Variants in EYS observed in about 807,000 individuals in gnomAD.
EYS encodes protein eyes shut homolog.
EYS carries 250 observed loss-of-function variants against 282.1 expected under a neutral mutation model. The observed-to-expected ratio is 0.89, with a 90% CI of 0.80 to 0.98. The LOEUF is 0.98. Among genes scored for constraint, EYS ranks in the 50% least tolerant of loss-of-function variants. EYS has a pLI of 0.00. For missense variants in EYS, 4,016 were observed against 3,709.0 expected (o/e 1.08, Z -2.15); for synonymous variants, 1,355 against 1,282.9 (o/e 1.06, Z -1.20).
chr6:65,572,331 C>T (rs6650991), intron 2 of EYS, among the ~76,000 whole-genome samples: 113,169 of 151,954 alleles, frequency 0.74, 42,847 homozygotes, highest in African/African-American at 0.88. Context: ...TTTTAAAATA[C>T]ATGTCTTGGT....
chr6:64,751,555 A>G lies in EYS; in HGVS notation c.3443+61823T>C, dbSNP rs547594321. On this transcript the variant is annotated intron_variant, in intron 22 of 42. Transcript: ENST00000503581. ...TTTGTCCCCCACTCTGGGGCTGAGC[A>G]CAGAGACAAGGCCACAGGGCATAGC... 6.6e-5 allele frequency among the ~76,000 whole-genome samples: 10 copies of G among 152,350 alleles called. No individual in the cohort carries two copies. The South Asian group carries it at 2.1e-3, about 32-fold the overall frequency.
intron 33 of EYS, among the ~76,000 whole-genome samples, chr6:64,058,750 T>A (rs1276789878): frequency 2.6e-5 from 4 of 152,184 alleles, no homozygotes; most frequent in Non-Finnish European, 4.4e-5. Context: ...ACTGTCAAAA[T>A]CTTGTCTTGA....
chr6:65,056,816 C>T (rs1015640517), intron 13 of EYS, among the ~76,000 whole-genome samples: 3 of 151,862 alleles, frequency 2.0e-5, no homozygotes, highest in Non-Finnish European at 2.9e-5. Context: ...ATTTAAATAA[C>T]ATTTCTCATT....
chr6:64,369,971 G>A (rs1772309620), intron 29 of EYS, among the ~76,000 whole-genome samples: 1 of 151,724 alleles, frequency 6.6e-6, no homozygotes, highest in Non-Finnish European at 1.5e-5. Context: ...CATATTGTCT[G>A]CAAACAGGGA....
At chr6:63,906,917 A>G (rs984099775) in intron 35 of EYS, among the ~76,000 whole-genome samples, 2 of 152,080 alleles carry the variant, frequency 1.3e-5, no homozygotes, top group African/African-American at 4.8e-5. Context: ...AACCTAAAAA[A>G]AGGACCTGGA....
chr6:65,257,436 T>C (rs1422817970), intron 12 of EYS, among the ~76,000 whole-genome samples: 3 of 124,118 alleles, frequency 2.4e-5, no homozygotes, highest in Non-Finnish European at 5.0e-5. Context: ...CCATCTTGAA[T>C]TGATTTTTGT....
intron 26 of EYS, among the ~76,000 whole-genome samples, chr6:64,456,501 G>C (rs1440930439): frequency 6.6e-6 from 1 of 151,742 alleles, no homozygotes; most frequent in Non-Finnish European, 1.5e-5. Context: ...TAACCTCCTT[G>C]AATCTTTCAG....
Position 64,626,221 on chromosome 6 carries a change from T to C in EYS, c.3468A>G (p.Gln1156=), listed in dbSNP as rs1335187092. ...ATTCATTTATATTAATTTCACAAAA[T>C]TGACCAGAAAATCCAGGAAGACATC... The part of the protein sequence containing the change: ...DCRCLPGFSG[Q]FCEININECS... The change falls in exon 23 of 43, where the codon CAA becomes CAG. Residue 1156 remains glutamine (Q), a synonymous_variant. Transcript: ENST00000503581. The C allele has an allele frequency of 2.6e-6, 4 of 1,533,668 alleles. No homozygotes were observed. Among genetic ancestry groups the C allele is most frequent in the Non-Finnish European group, 3.5e-6 (4 of 1,141,956 alleles).
intron 31 of EYS, among the ~76,000 whole-genome samples, chr6:64,202,652 C>G (rs2150323081): frequency 6.6e-6 from 1 of 152,208 alleles, no homozygotes; most frequent in East Asian, 1.9e-4. Context: ...AAAATGTAAT[C>G]TTGTTTGGCA....
intron 5 of EYS, among the ~76,000 whole-genome samples, chr6:65,413,243 A>G (rs951050067): frequency 1.3e-5 from 2 of 152,180 alleles, no homozygotes; most frequent in African/African-American, 4.8e-5. Flanking sequence ...ATAATACTTT[A>G]ATTAATTTAG....
chr6:64,595,727 C>T (rs1336202195), intron 24 of EYS, among the ~76,000 whole-genome samples: 1 of 152,112 alleles, frequency 6.6e-6, no homozygotes, highest in East Asian at 1.9e-4. Flanking sequence ...TAAATTTAAC[C>T]AAGGAGGTGA....
intron 26 of EYS, among the ~76,000 whole-genome samples, chr6:64,485,572 C>T (rs375295230): frequency 6.6e-6 from 1 of 151,646 alleles, no homozygotes; most frequent in East Asian, 1.9e-4. Flanking sequence ...CTAACACCCA[C>T]TCAATGTCCT....
chr6:64,196,902 T>TA (rs1383861552), intron 31 of EYS, among the ~76,000 whole-genome samples: 4 of 151,826 alleles, frequency 2.6e-5, no homozygotes, highest in East Asian at 1.9e-4. Context: ...AATAATAATT[T>TA]AAAAAAATTG....
At chr6:64,173,617 G>A (rs910666257) in intron 31 of EYS, among the ~76,000 whole-genome samples, 1 of 152,042 alleles carries the variant, frequency 6.6e-6, no homozygotes, top group Non-Finnish European at 1.5e-5. Flanking sequence ...ATTTTTTAGT[G>A]GTACTACCAA....
intron 1 of EYS, among the ~76,000 whole-genome samples, chr6:65,660,459 C>T (rs771926054): frequency 6.6e-6 from 1 of 151,674 alleles, no homozygotes; most frequent in Non-Finnish European, 1.5e-5. Context: ...CGCTTCATGG[C>T]ACTTTATTTT....
At chr6:65,324,640 C>A (rs1390892460) in intron 11 of EYS, among the ~76,000 whole-genome samples, 1 of 152,116 alleles carries the variant, frequency 6.6e-6, no homozygotes, top group East Asian at 1.9e-4. Context: ...GAAAATGGTA[C>A]CTATAACAGT....
chr6:63,959,741 C>A (rs1393865996), intron 35 of EYS, among the ~76,000 whole-genome samples: 1 of 152,096 alleles, frequency 6.6e-6, no homozygotes, highest in Non-Finnish European at 1.5e-5. Context: ...AAGCCATCAT[C>A]CTCAGCAAAG....
chr6:65,474,126 A>G (rs756264477), intron 5 of EYS, among the ~76,000 whole-genome samples: 20 of 151,898 alleles, frequency 1.3e-4, no homozygotes, highest in Non-Finnish European at 1.0e-4. Context: ...AGTAAATGAC[A>G]AAGTTAAAGC....
chr6:64,228,809 A>G (rs1291951778), intron 31 of EYS, among the ~76,000 whole-genome samples: 2 of 152,046 alleles, frequency 1.3e-5, no homozygotes, highest in Admixed American at 1.3e-4. Context: ...AAAATCCTCC[A>G]TTGTTTTTTT....
Sources: gnomAD v4.1 joint callset for allele counts (sites outside exome capture counted in the v4.1 genomes callset) on GRCh38, gnomAD v4.1.1 for gene constraint, MANE v1.5 for transcripts, NCBI Gene and HGNC (gene_info 2026-07-23, HGNC 2026-07-21) for gene names.